SFXN1: variants seen among roughly 807,000 people sequenced by gnomAD.
SFXN1 encodes sideroflexin-1.
SFXN1 carries 32 observed loss-of-function variants against 39.5 expected under a neutral mutation model. The ratio of observed to expected loss-of-function variants is 0.81; its 90% CI spans 0.61 to 1.09. The LOEUF is 1.09. Ranked by LOEUF, SFXN1 falls within the 50% of genes least tolerant of loss-of-function variation. The pLI, the probability that SFXN1 is intolerant of heterozygous loss-of-function variation, is 0.00. For synonymous variants in SFXN1, 136 were observed against 146.5 expected (o/e 0.93, Z 0.52); for missense variants, 402 against 407.1 (o/e 0.99, Z 0.11).
chr5:175,513,315 A>C (rs1442831243), intron 6 of SFXN1, 148 bp from the exon 7 acceptor site: 4 of 756,104 alleles, frequency 5.3e-6, no homozygotes, highest in South Asian at 2.3e-5. Context: ...AAAAAAAAAA[A>C]AAAAAAAAAC....
rs550334284 is a variant in SFXN1 at position 175,513,542 on chromosome 5, A to C, written c.676A>C (p.Ile226Leu). The part of the protein sequence containing the change: ...GESANAAKQA[I>L]TQVVVSRILM... Reference sequence around the variant, plus strand: ...GTCGGCGAACGCTGCGAAACAAGCCATCACGCAAGTTGTCGTGTCCAGGAT... The same window carrying C: ...GTCGGCGAACGCTGCGAAACAAGCCCTCACGCAAGTTGTCGTGTCCAGGAT... Residue 226 changes from isoleucine to leucine, a missense_variant, in exon 7 of 11, where the codon ATC becomes CTC. Coordinates refer to ENST00000321442, the MANE Select transcript of SFXN1 (RefSeq NM_022754.7). 2.5e-6 allele frequency: 4 copies of C among 1,614,012 alleles called. No individual in the cohort carries two copies. Among genetic ancestry groups the C allele is most frequent in the Non-Finnish European group, 3.4e-6 (4 of 1,179,954 alleles).
chr5:175,505,744 G>A (rs1418818353), intron 2 of SFXN1, among the ~76,000 whole-genome samples: 1 of 151,994 alleles, frequency 6.6e-6, no homozygotes, highest in Non-Finnish European at 1.5e-5. Context: ...AGAAAGTCTA[G>A]AAATCAAGGC....
chr5:175,479,429 C>T (rs1192529582), intron 1 of SFXN1, among the ~76,000 whole-genome samples: 2 of 152,174 alleles, frequency 1.3e-5, no homozygotes, highest in African/African-American at 4.8e-5. Context: ...CCAAGGCCAT[C>T]TGAGTCTCAG....
At chr5:175,499,906 A>G (rs551240174) in intron 2 of SFXN1, among the ~76,000 whole-genome samples, 2 of 152,314 alleles carry the variant, frequency 1.3e-5, no homozygotes, top group South Asian at 2.1e-4. Flanking sequence ...AGAATTTACC[A>G]GGCCAGGCGC....
chr5:175,522,659 T>A, intron 10 of SFXN1: 1 of 457,452 alleles, frequency 2.2e-6, no homozygotes, highest in Admixed American at 4.0e-5. Flanking sequence ...CTTTATTCTT[T>A]TGTGAGAATC....
intron 2 of SFXN1, among the ~76,000 whole-genome samples, chr5:175,501,337 G>A (rs1029061778): frequency 6.6e-5 from 10 of 152,058 alleles, no homozygotes; most frequent in African/African-American, 2.4e-4. Flanking sequence ...GAAAGTGCTG[G>A]GATTACAAGT....
chr5:175,526,999 T>C lies in SFXN1; in HGVS notation c.*265T>C. On this transcript the variant is annotated 3_prime_UTR_variant, in exon 11 of 11. Coordinates refer to ENST00000321442, the MANE Select transcript of SFXN1 (RefSeq NM_022754.7). ...TAGTCATTGTTTTTCAAAGACGATA[T>C]ACCAGCCCTCACCCAGGTTTTAAAA... is the stretch of plus-strand genomic sequence containing the variant. The C allele has an allele frequency of 2.2e-6, 1 of 446,282 alleles. No individual in the cohort carries two copies. Among genetic ancestry groups the C allele is most frequent in the Non-Finnish European group, 4.0e-6 (1 of 250,862 alleles). The allele number at this position is 446,282 out of a possible 1,614,324, so 27.6% of individuals were successfully genotyped here. A position where few individuals can be genotyped will look rare whatever the true frequency, so the allele number is the denominator to read the frequency against.
intron 7 of SFXN1, among the ~76,000 whole-genome samples, chr5:175,515,541 A>G (rs1349390817): frequency 2.6e-5 from 4 of 152,184 alleles, no homozygotes; most frequent in Non-Finnish European, 5.9e-5. Flanking sequence ...CAAATGAACG[A>G]ATGCTGTCCA....
intron 7 of SFXN1, 110 bp downstream of exon 7, chr5:175,513,700 T>C: frequency 1.7e-6 from 2 of 1,196,588 alleles, no homozygotes; most frequent in Non-Finnish European, 2.4e-6. Context: ...GAAATTGCCT[T>C]CCACTGGGGG....
intron 2 of SFXN1, among the ~76,000 whole-genome samples, chr5:175,505,809 T>C (rs1109983): frequency 0.32 from 47,899 of 151,928 alleles, 8,759 homozygotes; most frequent in African/African-American, 0.5. Flanking sequence ...AAGTTAAGAA[T>C]GTTTCACATT....
Position 175,496,267 on chromosome 5 carries a change from G to A in SFXN1, c.164+4000G>A, listed in dbSNP as rs556146146. On this transcript the variant is annotated intron_variant, in intron 2 of 10. Transcript: ENST00000321442. Reference sequence around the variant, plus strand: ...TGACGCGCACCTATAATCCCAGCTCGGGAGGCTGAGGCAGGAGAATCACTT... The same window carrying A: ...TGACGCGCACCTATAATCCCAGCTCAGGAGGCTGAGGCAGGAGAATCACTT... Among the ~76,000 whole-genome samples the A allele has an allele frequency of 4.0e-5, 6 of 151,842 alleles. No individual in the cohort carries two copies. In the South Asian group the frequency reaches 6.3e-4, roughly 16 times the overall value.
intron 1 of SFXN1, among the ~76,000 whole-genome samples, chr5:175,481,535 C>T (rs766122074): frequency 6.6e-6 from 1 of 152,098 alleles, no homozygotes; most frequent in South Asian, 2.1e-4. Context: ...AGGATGGTCT[C>T]GATCTCCTGA....
rs116123311 is a variant in SFXN1, at chr5:175,495,247, G to C, written c.164+2980G>C. The stretch of plus-strand genomic sequence containing the variant: ...ATTTCATTTATATGAGGTACCTAGA[G>C]TAGTCAAATTCAGAGACAGAAAGTA... On this transcript the variant is annotated intron_variant, in intron 2 of 10. Coordinates refer to ENST00000321442, the MANE Select transcript of SFXN1 (RefSeq NM_022754.7). 8.8e-3 allele frequency among the ~76,000 whole-genome samples: 1,343 copies of C among 152,244 alleles called. 14 individuals are homozygous for C. Among genetic ancestry groups the C allele is most frequent in the African/African-American group, 0.03 (1,244 of 41,522 alleles).
chr5:175,516,728 T>C, intron 8 of SFXN1, 65 bp downstream of exon 8: 1 of 1,537,692 alleles, frequency 6.5e-7, no homozygotes, highest in East Asian at 2.3e-5. Context: ...TCAAACCGTA[T>C]AGATTATTTG....
chr5:175,527,313 C>G lies in SFXN1; in HGVS notation c.*579C>G, dbSNP rs1164373431. On this transcript the variant is annotated 3_prime_UTR_variant, in exon 11 of 11. Transcript: ENST00000321442. ...TGGAGGGTAAAAGCTCCTTCACACC[C>G]CTTCCAAAAGTCAGTCACAGACCAC... 1 of 152,402 alleles carries G rather than the reference C, an allele frequency of 6.6e-6. No homozygotes were observed. Among genetic ancestry groups the G allele is most frequent in the Non-Finnish European group, 1.5e-5 (1 of 68,204 alleles). The allele number at this position is 152,402 out of a possible 1,614,324, so 9.4% of individuals were successfully genotyped here.
At chr5:175,479,915 T>A (rs977138283) in intron 1 of SFXN1, among the ~76,000 whole-genome samples, 7 of 152,188 alleles carry the variant, frequency 4.6e-5, no homozygotes, top group Non-Finnish European at 8.8e-5. Context: ...TTCAGTGTTC[T>A]AGGCATTGTT....
At chr5:175,517,391 A>C (rs985337976) in intron 8 of SFXN1, among the ~76,000 whole-genome samples, 1 of 151,488 alleles carries the variant, frequency 6.6e-6, no homozygotes, top group Non-Finnish European at 1.5e-5. Context: ...TACCTGCCCC[A>C]CGCCCCACAT....
In SFXN1 at chr5:175,500,451, CACAA is replaced by C. The variant is rs1210036621; in HGVS notation, c.164+8186_164+8189del. On this transcript the variant is annotated intron_variant, in intron 2 of 10. Transcript: ENST00000321442. ...ACACACACACACACACACACACACA[CACAA>C]ATTACAGAGAAAAAAACAGAGCTTG... Among the ~76,000 whole-genome samples, 5 of 128,652 alleles carry C rather than the reference CACAA, an allele frequency of 3.9e-5. No homozygotes were observed. The South Asian group carries it at 7.8e-4, about 20-fold the overall frequency. 84.4% of individuals were successfully genotyped at this position (128,652 alleles called of 152,430 possible).
intron 2 of SFXN1, among the ~76,000 whole-genome samples, chr5:175,503,058 C>T (rs1760144214): frequency 6.6e-6 from 1 of 152,012 alleles, no homozygotes; most frequent in Non-Finnish European, 1.5e-5. Flanking sequence ...GAAAACAGAT[C>T]CATTGGTTGG....
Sources: gnomAD v4.1 joint callset for allele counts (sites outside exome capture counted in the v4.1 genomes callset) on GRCh38, gnomAD v4.1.1 for gene constraint, MANE v1.5 for transcripts, NCBI Gene and HGNC (gene_info 2026-07-23, HGNC 2026-07-21) for gene names.